The following MIDEAS variants were observed in gnomAD, a reference collection of about 807,000 sequenced individuals.
MIDEAS encodes mitotic deacetylase associated SANT domain protein.
MIDEAS carries 26 observed loss-of-function variants against 102.7 expected under a neutral mutation model. The observed-to-expected ratio is 0.25, with a 90% CI of 0.19 to 0.35. The LOEUF is 0.35. MIDEAS is among the 10% of genes least tolerant of loss of function. The pLI, the probability that MIDEAS is intolerant of heterozygous loss-of-function variation, is 1.00. For missense variants in MIDEAS, 1,231 were observed against 1,435.6 expected (o/e 0.86, Z 2.30); for synonymous variants, 585 against 591.0 (o/e 0.99, Z 0.15).
At position 73,737,312 on chromosome 14, in the gene MIDEAS, A is replaced by G. The variant is rs1209179495; in HGVS notation, c.1450-15T>C. 6.3e-7 allele frequency: 1 copy of G among 1,599,390 alleles called. No individual in the cohort carries two copies. The highest frequency in any genetic ancestry group is 1.3e-5 in the African/African-American group (1 of 74,604). On this transcript the variant is annotated splice_polypyrimidine_tract_variant and intron_variant, in intron 2 of 12. Coordinates refer to ENST00000423556, the MANE Select transcript of MIDEAS (RefSeq NM_001367710.1). Reference sequence around the variant, plus strand: ...CCACTGCCATCCTGGACAAGATGGGAACAGAAGTGCAATTTAAAAGGTAAG... The same window carrying G: ...CCACTGCCATCCTGGACAAGATGGGGACAGAAGTGCAATTTAAAAGGTAAG...
At chr14:73,778,067 G>T (rs371789918) in intron 1 of MIDEAS, among the ~76,000 whole-genome samples, 1 of 151,850 alleles carries the variant, frequency 6.6e-6, no homozygotes, top group Non-Finnish European at 1.5e-5. Context: ...TATAAACCAT[G>T]ATAGGGGCCA....
Position 73,739,886 on chromosome 14 carries a change from C to A in MIDEAS, c.123G>T (p.Val41=). The A allele has an allele frequency of 6.3e-7, 1 of 1,576,158 alleles. No individual in the cohort carries two copies. Among genetic ancestry groups the A allele is most frequent in the South Asian group, 1.2e-5 (1 of 85,550 alleles). ...PLQPPQQSIR[V]KEEQYLGHEG... ...CGTGCCCGAGGTACTGCTCCTCCTT[C>A]ACTCTGATGGACTGCTGGGGGGGCT... Residue 41 remains valine, a synonymous_variant, in exon 2 of 13, where the codon GTG becomes GTT. Coordinates refer to ENST00000423556, the MANE Select transcript of MIDEAS (RefSeq NM_001367710.1).
chr14:73,736,911 C>T, intron 3 of MIDEAS, 87 bp downstream of exon 3: 1 of 1,346,990 alleles, frequency 7.4e-7, no homozygotes, highest in Non-Finnish European at 1.0e-6. Context: ...TACCTTCCTA[C>T]ATTGCCATGT....
At position 73,739,644 on chromosome 14, in the gene MIDEAS, T is replaced by C. The variant is rs754748207; in HGVS notation, c.365A>G (p.Gln122Arg). The change falls in exon 2 of 13, where the codon CAG (glutamine) becomes CGG (arginine). Residue 122 changes from glutamine to arginine, a missense_variant. Gln to Arg is a conservative substitution (Grantham distance 43). Transcript: ENST00000423556. ...GGGGVSDSSWQQQPGQPPPHS... is the reference protein window; with the variant it reads ...GGGGVSDSSWRQQPGQPPPHS... Reference sequence around the variant, plus strand: ...GGGTGGAGGCTGGCCTGGCTGCTGCTGCCAGCTGCTGTCACTGACACCCCC... The same window carrying C: ...GGGTGGAGGCTGGCCTGGCTGCTGCCGCCAGCTGCTGTCACTGACACCCCC... 5 of 1,613,834 alleles carry C rather than the reference T, an allele frequency of 3.1e-6. No homozygotes were observed. The highest frequency in any genetic ancestry group is 4.2e-6 in the Non-Finnish European group (5 of 1,179,964).
intron 1 of MIDEAS, among the ~76,000 whole-genome samples, chr14:73,751,243 G>A (rs2053414977): frequency 6.6e-6 from 1 of 152,204 alleles, no homozygotes; most frequent in Non-Finnish European, 1.5e-5. Flanking sequence ...GCAGTATAGA[G>A]GCAAAGCCAG....
intron 1 of MIDEAS, among the ~76,000 whole-genome samples, chr14:73,756,289 T>C (rs539451208): frequency 0.015 from 1,876 of 127,098 alleles, 40 homozygotes; most frequent in African/African-American, 0.057. Flanking sequence ...TGTGTGTGTG[T>C]GTGTGTGCGC....
intron 1 of MIDEAS, among the ~76,000 whole-genome samples, chr14:73,758,563 CA>C (rs2053515030): frequency 1.3e-5 from 2 of 152,242 alleles, no homozygotes; most frequent in South Asian, 4.1e-4. Flanking sequence ...ATACGCGGGC[CA>C]CCGGGGCCTC....
rs182426486 is a variant in MIDEAS, at chr14:73,721,767, C to T, written c.2725-258G>A. 791 of 440,158 alleles carry T rather than the reference C, an allele frequency of 1.8e-3. 4 individuals are homozygous for T. The highest frequency in any genetic ancestry group is 4.3e-3 in the Middle Eastern group (7 of 1,640). The allele number at this position is 440,158 out of a possible 1,614,324, so 27.3% of individuals were successfully genotyped here. On this transcript the variant is annotated intron_variant, in intron 10 of 12. Coordinates refer to ENST00000423556, the MANE Select transcript of MIDEAS (RefSeq NM_001367710.1). Reference sequence around the variant, plus strand: ...GTACATACCAGTCACTCCCCATTGCCACCCATCCTCCTGGACAGATGACCA... The same window carrying T: ...GTACATACCAGTCACTCCCCATTGCTACCCATCCTCCTGGACAGATGACCA...
At position 73,726,924 on chromosome 14, in the gene MIDEAS, C is replaced by T. The variant is rs1307802375; in HGVS notation, c.2211G>A (p.Arg737=). ...GATCTGCAGCTGCCAGGGCACGGTC[C>T]CTCATCAAGGGGATTTCTGCCTGGA... ...SRFQAEIPLM[R]DRALAAADPH... is the part of the protein sequence containing the mutation. Residue 737 remains arginine (R), a synonymous_variant, in exon 6 of 13, where the codon AGG becomes AGA. Coordinates refer to ENST00000423556, the MANE Select transcript of MIDEAS (RefSeq NM_001367710.1). The T allele has an allele frequency of 1.2e-6, 2 of 1,613,644 alleles. No individual in the cohort carries two copies. The highest frequency in any genetic ancestry group is 1.7e-6 in the Non-Finnish European group (2 of 1,179,738).
At chr14:73,789,230 T>TA (rs539382512), upstream of MIDEAS, 308 of 145,740 alleles carry the variant, frequency 2.1e-3, 1 homozygote, top group Non-Finnish European at 3.5e-3. Flanking sequence ...GACTAGGTTA[T>TA]AAAAAAAAAA....
Position 73,739,221 on chromosome 14 carries a change from G to A in MIDEAS, c.788C>T (p.Ala263Val), listed in dbSNP as rs768129646. The A allele has an allele frequency of 5.6e-6, 9 of 1,612,410 alleles. No homozygotes were observed. Among genetic ancestry groups the A allele is most frequent in the Non-Finnish European group, 4.2e-6 (5 of 1,179,884 alleles). Reference protein sequence around the residue: ...QPQQQQQQQQAALPQMPLFEN... With the variant: ...QPQQQQQQQQVALPQMPLFEN... The stretch of plus-strand genomic sequence containing the variant: ...AAAGAGCGGCATCTGGGGTAGGGCT[G>A]CCTGCTGCTGCTGCTGCTGCTGCTG... The change falls in exon 2 of 13, where the codon GCA (alanine) becomes GTA (valine). Residue 263 changes from alanine (A) to valine (V), a missense_variant. Physicochemically the swap from Ala to Val is moderately conservative, Grantham distance 64. Coordinates refer to ENST00000423556, the MANE Select transcript of MIDEAS (RefSeq NM_001367710.1).
Position 73,719,351 on chromosome 14 carries a change from T to C in MIDEAS, c.3088A>G (p.Lys1030Glu). 3 of 1,613,972 alleles carry C rather than the reference T, an allele frequency of 1.9e-6. No homozygotes were observed. The highest frequency in any genetic ancestry group is 1.7e-6 in the Non-Finnish European group (2 of 1,179,982). Reference protein sequence around the residue: ...EKKKKTETFSKTQNQENTFPC... With the variant: ...EKKKKTETFSETQNQENTFPC... ...AAAGTGTTCTCCTGATTCTGGGTCT[T>C]ACTGAATGTCTCTGTTTTTTTCTTC... The change falls in exon 12 of 13, where the codon AAG becomes GAG. Residue 1030 changes from lysine to glutamate, a missense_variant. Transcript: ENST00000423556.
intron 1 of MIDEAS, among the ~76,000 whole-genome samples, chr14:73,784,959 C>CA (rs1307943870): frequency 6.6e-6 from 1 of 152,182 alleles, no homozygotes; most frequent in Non-Finnish European, 1.5e-5. Flanking sequence ...CACAAGGCTG[C>CA]AAAACAGCAT....
At chr14:73,723,920 T>A (rs1429333553) in intron 9 of MIDEAS, 1 of 152,146 alleles carries the variant, frequency 6.6e-6, no homozygotes, top group African/African-American at 2.4e-5. Flanking sequence ...GTGTCCCCTG[T>A]CGGGGGAGGA....
intron 1 of MIDEAS, among the ~76,000 whole-genome samples, chr14:73,756,295 T>TGCGCGCGCGCGCGCGC (rs1555344807): frequency 7.8e-6 from 1 of 127,626 alleles, no homozygotes; most frequent in African/African-American, 2.7e-5. Context: ...TGTGTGTGTG[T>TGCGCGCGCGCGCGCGC]GCGCGCGCGC....
intron 1 of MIDEAS, among the ~76,000 whole-genome samples, chr14:73,767,387 C>A (rs1324506729): frequency 1.3e-5 from 2 of 151,974 alleles, no homozygotes; most frequent in Non-Finnish European, 2.9e-5. Flanking sequence ...ATAATCCCAG[C>A]GCTTTGGGAG....
upstream of MIDEAS, among the ~76,000 whole-genome samples, chr14:73,788,527 G>A (rs2053840085): frequency 6.6e-6 from 1 of 152,180 alleles, no homozygotes; most frequent in Non-Finnish European, 1.5e-5. Flanking sequence ...TATGAAGATC[G>A]AAGCTCTCCT....
rs538302538 is a variant in MIDEAS, at chr14:73,725,481, G to A, written c.2486-121C>T. The A allele has an allele frequency of 5.1e-5, 38 of 742,698 alleles. No homozygotes were observed. Among genetic ancestry groups the A allele is most frequent in the South Asian group, 2.5e-4 (16 of 63,884 alleles). 46.0% of individuals were successfully genotyped at this position (742,698 alleles called of 1,614,324 possible). On this transcript the variant is annotated intron_variant, in intron 8 of 12. Transcript: ENST00000423556. The surrounding 1 kb of genome is among the most constrained non-coding windows in gnomAD (Gnocchi z 4.1). ...CATGGTTTCTGCAGGCATCAGAGCC[G>A]GCTCCTCGTCCCACTTCCATGTGCC...
At chr14:73,772,701 T>C (rs1162152519) in intron 1 of MIDEAS, among the ~76,000 whole-genome samples, 2 of 152,190 alleles carry the variant, frequency 1.3e-5, no homozygotes, top group African/African-American at 4.8e-5. Flanking sequence ...GCTCTTTTCC[T>C]TTTTAGAATT....
Sources: gnomAD v4.1 joint callset for allele counts (sites outside exome capture counted in the v4.1 genomes callset) on GRCh38, gnomAD v4.1.1 for gene constraint, Gnocchi (gnomAD v3.1) non-coding constraint, MANE v1.5 for transcripts, NCBI Gene and HGNC (gene_info 2026-07-23, HGNC 2026-07-21) for gene names.